The following SPAG16 variants were observed in gnomAD, a reference collection of about 807,000 sequenced individuals.
SPAG16 encodes the protein sperm associated antigen 16, also known as sperm-associated antigen 16 protein.
In SPAG16, 86 loss-of-function variants were observed where a neutral mutation model predicts 80.4. The ratio of observed to expected loss-of-function variants is 1.07; its 90% CI spans 0.90 to 1.28. The LOEUF is 1.28. SPAG16 is among the 50% of genes most tolerant of loss of function. SPAG16 has a pLI of 0.00. For synonymous variants in SPAG16, 294 were observed against 265.9 expected (o/e 1.11, Z -1.03); for missense variants, 870 against 765.3 (o/e 1.14, Z -1.61).
Position 213,310,060 on chromosome 2 carries a change from A to T in SPAG16, c.281A>T (p.Glu94Val). Residue 94 changes from glutamate (E) to valine (V), a missense_variant and splice_region_variant, in exon 4 of 16, where the codon GAA becomes GTA. Physicochemically the swap from Glu to Val is moderately radical, Grantham distance 121. Transcript: ENST00000331683. Reference protein sequence around the residue: ...QEQATDTEILERKTVLPSKHA... With the variant: ...QEQATDTEILVRKTVLPSKHA... ...AATAAATGCACGTTTAAATTTCAGG[A>T]ACGGAAAACAGTTCTTCCTTCAAAG... The T allele has an allele frequency of 6.3e-7, 1 of 1,589,060 alleles. No individual in the cohort carries two copies. The highest frequency in any genetic ancestry group is 1.4e-5 in the African/African-American group (1 of 73,994).
chr2:214,273,504 A>G (rs1472017275), intron 15 of SPAG16, among the ~76,000 whole-genome samples: 1 of 152,138 alleles, frequency 6.6e-6, no homozygotes, highest in Non-Finnish European at 1.5e-5. Context: ...TCAGCTTTAT[A>G]CATATGACTA....
chr2:213,340,118 A>G (rs2064600859), intron 5 of SPAG16, 45 bp from the exon 6 acceptor site: 2 of 1,351,826 alleles, frequency 1.5e-6, no homozygotes, highest in Non-Finnish European at 1.0e-6. Flanking sequence ...TAATTTTTCG[A>G]AAAAGAATTA....
At chr2:214,332,354 G>A (rs1313474739) in intron 15 of SPAG16, among the ~76,000 whole-genome samples, 1 of 152,198 alleles carries the variant, frequency 6.6e-6, no homozygotes, top group African/African-American at 2.4e-5. Context: ...TCTTTTAATG[G>A]TATGTTGTGC....
At chr2:213,685,782 A>G (rs527963563) in intron 10 of SPAG16, among the ~76,000 whole-genome samples, 2 of 152,306 alleles carry the variant, frequency 1.3e-5, no homozygotes, top group African/African-American at 4.8e-5. Flanking sequence ...AGTGGTAGTA[A>G]TGGTTATAGA....
At chr2:214,032,027 G>C (rs542356294) in intron 13 of SPAG16, among the ~76,000 whole-genome samples, 1 of 152,154 alleles carries the variant, frequency 6.6e-6, no homozygotes, top group Non-Finnish European at 1.5e-5. Flanking sequence ...ATAAGTCCAA[G>C]TTCCAGTTGC....
At chr2:213,798,725 TC>T (rs1373160882) in intron 10 of SPAG16, among the ~76,000 whole-genome samples, 1 of 152,190 alleles carries the variant, frequency 6.6e-6, no homozygotes, top group Non-Finnish European at 1.5e-5. Context: ...TATGTTTAGG[TC>T]CGTGATCCAT....
At chr2:214,190,832 C>G (rs1158938143) in intron 15 of SPAG16, among the ~76,000 whole-genome samples, 1 of 152,132 alleles carries the variant, frequency 6.6e-6, no homozygotes, top group Non-Finnish European at 1.5e-5. Context: ...GCACCCTGTT[C>G]TTGGACTTCC....
chr2:214,091,367 A>G (rs2052196674), intron 13 of SPAG16, among the ~76,000 whole-genome samples: 1 of 152,128 alleles, frequency 6.6e-6, no homozygotes, highest in South Asian at 2.1e-4. Context: ...CCAAGCTGGG[A>G]AAGTCACACA....
intron 13 of SPAG16, among the ~76,000 whole-genome samples, chr2:214,015,724 C>T (rs1039149291): frequency 6.6e-6 from 1 of 152,086 alleles, no homozygotes; most frequent in African/African-American, 2.4e-5. Flanking sequence ...CCTGTCCTGG[C>T]TGAGAGCTCA....
chr2:214,229,899 A>G (rs1294064530), intron 15 of SPAG16, among the ~76,000 whole-genome samples: 1 of 151,904 alleles, frequency 6.6e-6, no homozygotes, highest in Non-Finnish European at 1.5e-5. Flanking sequence ...AACAAGTGTC[A>G]GCAAAATGCA....
chr2:213,350,086 T>C (rs1046638653), intron 6 of SPAG16, among the ~76,000 whole-genome samples: 1 of 152,218 alleles, frequency 6.6e-6, no homozygotes, highest in South Asian at 2.1e-4. Context: ...ATTTTTAAAA[T>C]ACAAGATTAG....
intron 15 of SPAG16, among the ~76,000 whole-genome samples, chr2:214,383,014 C>T (rs1055559763): frequency 3.3e-5 from 5 of 152,008 alleles, no homozygotes; most frequent in African/African-American, 1.2e-4. Flanking sequence ...TCTCCTGTCC[C>T]ACAAAAGACA....
intron 10 of SPAG16, among the ~76,000 whole-genome samples, chr2:213,693,868 T>C (rs976684128): frequency 6.6e-6 from 1 of 152,160 alleles, no homozygotes; most frequent in African/African-American, 2.4e-5. Flanking sequence ...TTGGAAACCC[T>C]ATCTAAAGGA....
At chr2:213,541,731 C>T (rs1235761679) in intron 10 of SPAG16, among the ~76,000 whole-genome samples, 1 of 152,152 alleles carries the variant, frequency 6.6e-6, no homozygotes, top group Non-Finnish European at 1.5e-5. Context: ...AGACCTCTAT[C>T]GACACACAGC....
chr2:214,062,474 A>G (rs2050319841), intron 13 of SPAG16, among the ~76,000 whole-genome samples: 1 of 150,944 alleles, frequency 6.6e-6, no homozygotes, highest in African/African-American at 2.4e-5. Context: ...TGACCTCACT[A>G]CAACATTACC....
intron 3 of SPAG16, among the ~76,000 whole-genome samples, chr2:213,306,255 T>A (rs904460933): frequency 2.7e-5 from 4 of 150,610 alleles, no homozygotes; most frequent in African/African-American, 9.8e-5. Context: ...TAATGTTTTG[T>A]CAATTTTGTT....
At chr2:213,696,320 A>C (rs2065150880) in intron 10 of SPAG16, among the ~76,000 whole-genome samples, 1 of 152,188 alleles carries the variant, frequency 6.6e-6, no homozygotes, top group East Asian at 1.9e-4. Context: ...ATGCAAGTTA[A>C]GATGTCTAAT....
chr2:214,254,434 G>C (rs940251096), intron 15 of SPAG16, among the ~76,000 whole-genome samples: 6 of 152,058 alleles, frequency 3.9e-5, no homozygotes, highest in Non-Finnish European at 8.8e-5. Context: ...GTCATACATA[G>C]CTCTTACTAT....
chr2:213,801,070 A>C (rs2071364931), intron 10 of SPAG16, among the ~76,000 whole-genome samples: 1 of 152,202 alleles, frequency 6.6e-6, no homozygotes, highest in Non-Finnish European at 1.5e-5. Context: ...TATTATTGAA[A>C]TGTATATGGA....
Sources: gnomAD v4.1 joint callset for allele counts (sites outside exome capture counted in the v4.1 genomes callset) on GRCh38, gnomAD v4.1.1 for gene constraint, MANE v1.5 for transcripts, NCBI Gene and HGNC (gene_info 2026-07-23, HGNC 2026-07-21) for gene names.